Variants in ATG4C observed in about 807,000 individuals in gnomAD.
ATG4C encodes cysteine protease ATG4C.
Under a neutral mutation model 57.6 loss-of-function variants are expected in ATG4C, and 56 were observed. The observed-to-expected ratio is 0.97, with a 90% CI of 0.78 to 1.21. ATG4C has a LOEUF of 1.21. Ranked by LOEUF, ATG4C falls within the 50% of genes most tolerant of loss-of-function variation. The pLI is 0.00. For missense variants in ATG4C, 595 were observed against 529.8 expected, an observed-to-expected ratio of 1.12 and a Z score of -1.21; for synonymous variants, 157 against 174.1, an observed-to-expected ratio of 0.90 and a Z score of 0.78.
At chr1:62,835,156 C>T (rs976383135) in intron 9 of ATG4C, among the ~76,000 whole-genome samples, 2 of 143,732 alleles carry the variant, frequency 1.4e-5, no homozygotes, top group African/African-American at 2.6e-5. Flanking sequence ...CTAAACAGTA[C>T]TGAAGAATTT....
chr1:62,810,857 A>T (rs1198985381), intron 3 of ATG4C, among the ~76,000 whole-genome samples: 3 of 152,170 alleles, frequency 2.0e-5, no homozygotes, highest in Non-Finnish European at 4.4e-5. Flanking sequence ...TTATAAAGGC[A>T]TGAATTCAAA....
At chr1:62,816,343 A>G (rs1243349085) in intron 3 of ATG4C, among the ~76,000 whole-genome samples, 1 of 152,164 alleles carries the variant, frequency 6.6e-6, no homozygotes, top group African/African-American at 2.4e-5. Context: ...AATACCTTAT[A>G]TTAGTTAACT....
At chr1:62,812,177 A>G (rs1429632580) in intron 3 of ATG4C, among the ~76,000 whole-genome samples, 1 of 152,198 alleles carries the variant, frequency 6.6e-6, no homozygotes, top group Non-Finnish European at 1.5e-5. Context: ...AAAAAAGAAA[A>G]TTTCAGGCCA....
At position 62,791,696 on chromosome 1, in the gene ATG4C, T is replaced by G. The variant is rs183375093; in HGVS notation, c.-69+7423T>G. Among the ~76,000 whole-genome samples the G allele has an allele frequency of 5.1e-3, 778 of 152,290 alleles. 6 individuals are homozygous for G. Among genetic ancestry groups the G allele is most frequent in the Middle Eastern group, 6.8e-3 (2 of 294 alleles). On this transcript the variant is annotated intron_variant, in intron 1 of 10. Coordinates refer to ENST00000317868, the MANE Select transcript of ATG4C (RefSeq NM_032852.4). ...GTTAATCCATTAATCCATGAGTGAA[T>G]TAATTTATTTATGAGGGCAGAACCC...
rs549767918 is a variant in ATG4C at position 62,820,997 on chromosome 1, G to C, written c.726-142G>C. The C allele has an allele frequency of 2.9e-4, 157 of 538,944 alleles. 2 individuals are homozygous for C. Among genetic ancestry groups the C allele is most frequent in the African/African-American group, 2.9e-3 (149 of 51,460 alleles). The allele number at this position is 538,944 out of a possible 1,614,324, so 33.4% of individuals were successfully genotyped here. On this transcript the variant is annotated intron_variant, in intron 5 of 10. Transcript: ENST00000317868. ...TTAATCTGATGTCTGATACCATTCAGATAATAGTTTTTGACAGCAGACACT... is the reference window on the plus strand; with the variant it reads ...TTAATCTGATGTCTGATACCATTCACATAATAGTTTTTGACAGCAGACACT...
intron 1 of ATG4C, among the ~76,000 whole-genome samples, chr1:62,798,851 G>A (rs964773254): frequency 6.6e-6 from 1 of 152,094 alleles, no homozygotes; most frequent in African/African-American, 2.4e-5. Context: ...CGCCATGTTG[G>A]TCAGGCTGGT....
intron 10 of ATG4C, among the ~76,000 whole-genome samples, chr1:62,856,581 G>A (rs1666689518): frequency 6.6e-6 from 1 of 152,120 alleles, no homozygotes; most frequent in African/African-American, 2.4e-5. Context: ...ATTTGCCCAG[G>A]GTTACACAGT....
At chr1:62,863,336 A>C (rs1666910544) in intron 10 of ATG4C, among the ~76,000 whole-genome samples, 1 of 152,018 alleles carries the variant, frequency 6.6e-6, no homozygotes, top group African/African-American at 2.4e-5. Context: ...TTAAAAGGGA[A>C]TCTTTGAAAA....
chr1:62,786,240 C>T (rs1265144821), intron 1 of ATG4C, among the ~76,000 whole-genome samples: 1 of 152,152 alleles, frequency 6.6e-6, no homozygotes, highest in Non-Finnish European at 1.5e-5. Context: ...TCAACATATG[C>T]TTACTGAGCA....
chr1:62,813,108 T>C (rs1557968932), intron 3 of ATG4C, among the ~76,000 whole-genome samples: 2 of 152,136 alleles, frequency 1.3e-5, no homozygotes, highest in African/African-American at 2.4e-5. Context: ...CTTCACAGAA[T>C]TGGAAAAAAC....
chr1:62,853,318 G>C (rs1666577335), intron 10 of ATG4C, among the ~76,000 whole-genome samples: 1 of 151,944 alleles, frequency 6.6e-6, no homozygotes, highest in African/African-American at 2.4e-5. Context: ...GCACTTCTTT[G>C]TGCATCAGTT....
At position 62,864,173 on chromosome 1, in the gene ATG4C, T is replaced by C. The variant is rs183628130; in HGVS notation, c.*14T>C. ...GTCTTGCTTTAAAGATTAGCACATT[T>C]GTGCTTGATAAGAAGAATTCCATTG... On this transcript the variant is annotated 3_prime_UTR_variant, in exon 11 of 11. Coordinates refer to ENST00000317868, the MANE Select transcript of ATG4C (RefSeq NM_032852.4). The C allele has an allele frequency of 1.0e-5, 16 of 1,579,482 alleles. No homozygotes were observed. In the Admixed American group the frequency reaches 2.0e-4, roughly 20 times the overall value.
chr1:62,807,676 C>T lies in ATG4C; in HGVS notation c.160+2421C>T, dbSNP rs530706241. ...GACAACTTCACGGGAGCAGAAGCTC[C>T]TGTGCTTGGGACCCTTCTAGACCTT... On this transcript the variant is annotated intron_variant, in intron 3 of 10. Coordinates refer to ENST00000317868, the MANE Select transcript of ATG4C (RefSeq NM_032852.4). 5.9e-5 allele frequency among the ~76,000 whole-genome samples: 9 copies of T among 152,320 alleles called. No individual in the cohort carries two copies. In the South Asian group the frequency reaches 1.9e-3, roughly 32 times the overall value.
At chr1:62,789,873 T>C (rs577610515) in intron 1 of ATG4C, among the ~76,000 whole-genome samples, 9 of 151,952 alleles carry the variant, frequency 5.9e-5, no homozygotes, top group Non-Finnish European at 1.0e-4. Context: ...TCTTTGCTAC[T>C]GGGGTGTCAT....
intron 7 of ATG4C, among the ~76,000 whole-genome samples, chr1:62,831,384 C>A (rs1665832872): frequency 6.6e-6 from 1 of 151,952 alleles, no homozygotes; most frequent in African/African-American, 2.4e-5. Context: ...CCTGCCAAAC[C>A]AATGTGCGTT....
At chr1:62,822,516 T>G (rs1275449428) in intron 6 of ATG4C, among the ~76,000 whole-genome samples, 2 of 152,226 alleles carry the variant, frequency 1.3e-5, no homozygotes, top group East Asian at 1.9e-4. Context: ...ACAGTCAGCC[T>G]AGATATTTGT....
chr1:62,820,089 T>TA (rs1292142329), intron 5 of ATG4C, among the ~76,000 whole-genome samples: 1 of 152,116 alleles, frequency 6.6e-6, no homozygotes, highest in Non-Finnish European at 1.5e-5. Context: ...CATGCTTCTA[T>TA]ATTTTATAGG....
chr1:62,856,185 G>C (rs1666676122), intron 10 of ATG4C, among the ~76,000 whole-genome samples: 1 of 152,176 alleles, frequency 6.6e-6, no homozygotes, highest in Non-Finnish European at 1.5e-5. Flanking sequence ...TCACTTTAGT[G>C]TTTCAGGCTT....
chr1:62,824,884 G>C (rs990722346), intron 6 of ATG4C, among the ~76,000 whole-genome samples: 2 of 151,930 alleles, frequency 1.3e-5, no homozygotes, highest in African/African-American at 4.8e-5. Context: ...GCCCAGGCTG[G>C]TCTTGAAGTC....
Sources: allele counts gnomAD v4.1 joint callset (sites outside exome capture counted in the v4.1 genomes callset), GRCh38; gene constraint gnomAD v4.1.1; transcripts MANE v1.5; gene names NCBI Gene and HGNC (gene_info 2026-07-23, HGNC 2026-07-21).